PLCG2: variants seen among roughly 807,000 people sequenced by gnomAD.
PLCG2 encodes the protein phospholipase C gamma 2.
PLCG2 carries 69 observed loss-of-function variants against 175.6 expected under a neutral mutation model. That is an observed-to-expected ratio of 0.39 (90% confidence interval 0.32 to 0.48). PLCG2 has a LOEUF of 0.48. Among genes scored for constraint, PLCG2 ranks in the 20% least tolerant of loss-of-function variants. The pLI is 0.91. For missense variants in PLCG2, 1,798 were observed against 1,650.9 expected, an observed-to-expected ratio of 1.09 and a Z score of -1.54; for synonymous variants, 827 against 624.0, an observed-to-expected ratio of 1.33 and a Z score of -4.85.
At chr16:81,922,720 G>A (rs952570165) in intron 21 of PLCG2, among the ~76,000 whole-genome samples, 3 of 152,198 alleles carry the variant, frequency 2.0e-5, no homozygotes, top group African/African-American at 4.8e-5. Context: ...TCCTTTGGGT[G>A]GGAGGAGAAG....
intron 21 of PLCG2, among the ~76,000 whole-genome samples, chr16:81,923,028 G>A (rs1309973877): frequency 6.6e-6 from 1 of 152,208 alleles, no homozygotes; most frequent in Non-Finnish European, 1.5e-5. Flanking sequence ...GGACAGGCAG[G>A]AAGAATGGGG....
At chr16:81,897,995 T>C in intron 13 of PLCG2, 1 of 403,982 alleles carries the variant, frequency 2.5e-6, no homozygotes, top group South Asian at 1.8e-5. Context: ...CATTCTCCCC[T>C]GTGGGGTCCT....
At chr16:81,812,638 G>A (rs1904368027) in intron 2 of PLCG2, among the ~76,000 whole-genome samples, 1 of 152,144 alleles carries the variant, frequency 6.6e-6, no homozygotes, top group Non-Finnish European at 1.5e-5. Context: ...TATGTTGCCT[G>A]CTCACTCTGA....
At position 81,962,604 on chromosome 16, in the gene PLCG2, T is replaced by A. The variant is rs899928574; in HGVS notation, c.*4606T>A. The A allele has an allele frequency of 4.5e-6, 1 of 223,320 alleles. No homozygotes were observed. The highest frequency in any genetic ancestry group is 2.2e-5 in the African/African-American group (1 of 44,838). The allele number at this position is 223,320 out of a possible 1,614,324, so 13.8% of individuals were successfully genotyped here. The stretch of plus-strand genomic sequence containing the variant: ...GTACATAGAGAATTAAGTGAATGAG[T>A]CACACAGATGTTGGCTGTTGTTAAT... On this transcript the variant is annotated 3_prime_UTR_variant, in exon 33 of 33. Coordinates refer to ENST00000564138, the MANE Select transcript of PLCG2 (RefSeq NM_002661.5).
At chr16:81,851,087 T>C (rs1906384770) in intron 2 of PLCG2, among the ~76,000 whole-genome samples, 1 of 152,186 alleles carries the variant, frequency 6.6e-6, no homozygotes, top group Non-Finnish European at 1.5e-5. Flanking sequence ...TCTCTCACCT[T>C]CATCCCTAAT....
At chr16:81,828,497 C>G (rs982609118) in intron 2 of PLCG2, among the ~76,000 whole-genome samples, 2 of 152,078 alleles carry the variant, frequency 1.3e-5, no homozygotes, top group Non-Finnish European at 2.9e-5. Context: ...CTCGGCCTCC[C>G]AAAGTGGTGG....
intron 9 of PLCG2, among the ~76,000 whole-genome samples, chr16:81,885,439 C>T (rs1908312584): frequency 6.6e-6 from 1 of 152,190 alleles, no homozygotes; most frequent in African/African-American, 2.4e-5. Flanking sequence ...GCTGGGATTA[C>T]AGATGTGAGG....
chr16:81,851,471 T>G (rs964622841), intron 2 of PLCG2, among the ~76,000 whole-genome samples: 3 of 152,206 alleles, frequency 2.0e-5, no homozygotes, highest in Admixed American at 2.0e-4. Context: ...AGGATGTAGA[T>G]GACGTGCTGT....
intron 30 of PLCG2, among the ~76,000 whole-genome samples, chr16:81,942,445 G>A (rs1005690808): frequency 6.6e-6 from 1 of 152,178 alleles, no homozygotes; most frequent in Non-Finnish European, 1.5e-5. Context: ...AGCAGTGCCT[G>A]GCACATCCAT....
chr16:81,896,014 A>G, intron 13 of PLCG2, 87 bp downstream of exon 13: 1 of 1,497,016 alleles, frequency 6.7e-7, no homozygotes, highest in Non-Finnish European at 9.2e-7. Flanking sequence ...GCAAACACAC[A>G]CAGACACCTC....
chr16:81,903,965 C>T (rs532712198), intron 14 of PLCG2, among the ~76,000 whole-genome samples: 1 of 152,320 alleles, frequency 6.6e-6, no homozygotes, highest in Non-Finnish European at 1.5e-5. Context: ...TAGGCGTGGT[C>T]ATATGTATCT....
At chr16:81,877,965 T>C (rs1907887694) in intron 7 of PLCG2, among the ~76,000 whole-genome samples, 1 of 135,070 alleles carries the variant, frequency 7.4e-6, no homozygotes, top group Non-Finnish European at 1.5e-5. Flanking sequence ...CTCCCTCTTT[T>C]TTTTTTAATT....
intron 17 of PLCG2, among the ~76,000 whole-genome samples, chr16:81,908,845 C>G (rs1045006630): frequency 6.6e-6 from 1 of 152,146 alleles, no homozygotes; most frequent in Non-Finnish European, 1.5e-5. Context: ...CTGTGATGAA[C>G]AAAATATGAA....
chr16:81,913,718 C>G (rs184738021), intron 19 of PLCG2, among the ~76,000 whole-genome samples: 1 of 152,320 alleles, frequency 6.6e-6, no homozygotes, highest in East Asian at 1.9e-4. Context: ...GTGGTGCTGG[C>G]TGCATGGCAG....
chr16:81,756,687 G>A (rs1471529701), intron 2 of PLCG2, among the ~76,000 whole-genome samples: 2 of 152,182 alleles, frequency 1.3e-5, no homozygotes, highest in Non-Finnish European at 2.9e-5. Flanking sequence ...CGTGGACTTC[G>A]TGAGGCGGGT....
At chr16:81,804,675 C>T (rs1051304027) in intron 2 of PLCG2, among the ~76,000 whole-genome samples, 5 of 152,160 alleles carry the variant, frequency 3.3e-5, no homozygotes, top group Non-Finnish European at 7.3e-5. Flanking sequence ...CAAGGTTTAA[C>T]GCCTCAGCCC....
At chr16:81,867,016 T>G (rs1907273459) in intron 5 of PLCG2, among the ~76,000 whole-genome samples, 1 of 152,206 alleles carries the variant, frequency 6.6e-6, no homozygotes. Flanking sequence ...GGTCTGTCTG[T>G]GAAAGCCGTG....
chr16:81,751,720 C>A (rs887385628), intron 1 of PLCG2, among the ~76,000 whole-genome samples: 1 of 152,014 alleles, frequency 6.6e-6, no homozygotes, highest in Non-Finnish European at 1.5e-5. Flanking sequence ...TCACTTTTTA[C>A]CCTATAAATA....
At chr16:81,875,292 T>TC (rs1431824483) in intron 7 of PLCG2, among the ~76,000 whole-genome samples, 63 of 151,970 alleles carry the variant, frequency 4.1e-4, no homozygotes, top group Middle Eastern at 6.8e-3. Context: ...TACATTTAAT[T>TC]CCCCCCTAGA....
Sources: allele counts gnomAD v4.1 joint callset (sites outside exome capture counted in the v4.1 genomes callset), GRCh38; gene constraint gnomAD v4.1.1; transcripts MANE v1.5; gene names NCBI Gene and HGNC (gene_info 2026-07-23, HGNC 2026-07-21).